Variants in PRCC observed in about 807,000 individuals in gnomAD.
PRCC encodes the protein proline-rich protein PRCC.
Under a neutral mutation model 44.0 loss-of-function variants are expected in PRCC, and 10 were observed. The ratio of observed to expected loss-of-function variants is 0.23; its 90% CI spans 0.14 to 0.39. The LOEUF is 0.39. Ranked by LOEUF, PRCC falls within the 10% of genes least tolerant of loss-of-function variation. The pLI, the probability that PRCC is intolerant of heterozygous loss-of-function variation, is 1.00. For synonymous variants in PRCC, 278 were observed against 259.5 expected (o/e 1.07, Z -0.69); for missense variants, 573 against 624.7 (o/e 0.92, Z 0.88).
At chr1:156,782,562 G>T (rs1652086013) in intron 2 of PRCC, among the ~76,000 whole-genome samples, 1 of 152,164 alleles carries the variant, frequency 6.6e-6, no homozygotes, top group South Asian at 2.1e-4. Flanking sequence ...AAGACAGGCA[G>T]TGGTAGGGAG....
chr1:156,798,332 A>G (rs1368313064), intron 6 of PRCC, among the ~76,000 whole-genome samples: 1 of 150,658 alleles, frequency 6.6e-6, no homozygotes, highest in Non-Finnish European at 1.5e-5. Context: ...TTTGAGACAG[A>G]GTCTCGCTCT....
chr1:156,786,440 G>C (rs1652246976), intron 2 of PRCC, among the ~76,000 whole-genome samples, 168 bp from the exon 3 acceptor site: 1 of 152,234 alleles, frequency 6.6e-6, no homozygotes, highest in Admixed American at 6.5e-5. Flanking sequence ...AGTAGCAGGA[G>C]TCAAGCCCAG....
intron 1 of PRCC, among the ~76,000 whole-genome samples, chr1:156,771,486 G>A (rs895981053): frequency 6.6e-6 from 1 of 152,120 alleles, no homozygotes; most frequent in Non-Finnish European, 1.5e-5. Context: ...TTTAGGAGGG[G>A]GAAGTGATAA....
chr1:156,797,195 C>T lies in PRCC; in HGVS notation c.1324-81C>T, dbSNP rs1414865547. On this transcript the variant is annotated intron_variant, in intron 5 of 6. Coordinates refer to ENST00000271526, the MANE Select transcript of PRCC (RefSeq NM_005973.5). ...GGGCTGTGGAATTGGCTTCTCAGCC[C>T]CTAACACCACACCATCTGGGCACAT... The T allele has an allele frequency of 4.4e-6, 7 of 1,575,210 alleles. No individual in the cohort carries two copies. The East Asian group carries it at 1.3e-4, about 30-fold the overall frequency.
chr1:156,767,924 G>A lies in PRCC; in HGVS notation c.153G>A (p.Leu51=), dbSNP rs1651465211. Residue 51 remains leucine, a synonymous_variant, in exon 1 of 7, where the codon CTG becomes CTA. Transcript: ENST00000271526. ...CTGCGCCCAAGGGTCCGGCCTTGCT[G>A]CCTCCGCCCCCTCAGATGCTGGCGC... The part of the protein sequence containing the change: ...SLPAPKGPAL[L]PPPPQMLAPA... The A allele has an allele frequency of 1.9e-6, 3 of 1,596,010 alleles. No individual in the cohort carries two copies. In the East Asian group the frequency reaches 6.8e-5, roughly 36 times the overall value.
chr1:156,800,377 A>G lies in PRCC; in HGVS notation c.1393A>G (p.Lys465Glu), dbSNP rs920562638. Residue 465 changes from lysine to glutamate, a missense_variant, in exon 7 of 7, where the codon AAG (lysine) becomes GAG (glutamate). By Grantham distance (56) the Lys-to-Glu change is moderately conservative (BLOSUM62 1). Transcript: ENST00000271526. ...CTACCCTTCTTCCTTGCCACAGGCCAAGGAGCGGGAGCTGGAACTGAAGAA... is the reference window on the plus strand; with the variant it reads ...CTACCCTTCTTCCTTGCCACAGGCCGAGGAGCGGGAGCTGGAACTGAAGAA... ...HQITYLIHQA[K>E]ERELELKNTW... 6.2e-6 allele frequency: 10 copies of G among 1,614,132 alleles called. No homozygotes were observed. The highest frequency in any genetic ancestry group is 8.5e-6 in the Non-Finnish European group (10 of 1,179,996).
At position 156,767,845 on chromosome 1, in the gene PRCC, A is replaced by C. The variant is rs762776010; in HGVS notation, c.74A>C (p.Glu25Ala). The C allele has an allele frequency of 1.9e-6, 3 of 1,610,218 alleles. No homozygotes were observed. Among genetic ancestry groups the C allele is most frequent in the Middle Eastern group, 1.8e-4 (1 of 5,512 alleles). Reference protein sequence around the residue: ...DEAEPEPEEEEAVAPTSGPAL... With the variant: ...DEAEPEPEEEAAVAPTSGPAL... The stretch of plus-strand genomic sequence containing the variant: ...GCTGAGCCCGAGCCGGAGGAAGAGG[A>C]GGCGGTGGCTCCTACATCTGGGCCC... Residue 25 changes from glutamate (E) to alanine (A), a missense_variant, in exon 1 of 7, where the codon GAG becomes GCG. Glu to Ala is a moderately radical substitution (Grantham distance 107). This residue lies in a region of PRCC where 245 missense variants were observed against 188.5 expected (regional missense o/e 1.30). Transcript: ENST00000271526.
intron 5 of PRCC, chr1:156,797,070 G>A (rs1434967270): frequency 5.4e-6 from 3 of 552,538 alleles, no homozygotes; most frequent in East Asian, 3.1e-5. Flanking sequence ...TTTCAGGCAA[G>A]TGTTCTGAGC....
chr1:156,799,657 T>C (rs1428699517), intron 6 of PRCC, among the ~76,000 whole-genome samples: 1 of 152,172 alleles, frequency 6.6e-6, no homozygotes, highest in Non-Finnish European at 1.5e-5. Context: ...GGATATTATT[T>C]AAACTCAATC....
chr1:156,785,494 T>C (rs565857853), intron 2 of PRCC, among the ~76,000 whole-genome samples: 101 of 149,572 alleles, frequency 6.8e-4, no homozygotes, highest in Non-Finnish European at 1.3e-3. Flanking sequence ...TCCTGGGTGA[T>C]AGAGCGAGAC....
intron 1 of PRCC, among the ~76,000 whole-genome samples, chr1:156,775,735 T>C (rs1299495899): frequency 4.3e-4 from 65 of 152,142 alleles, no homozygotes; most frequent in Admixed American, 4.3e-3. Flanking sequence ...GGTCTCGAAC[T>C]CCTGATCTTG....
chr1:156,785,367 A>G (rs1652200623), intron 2 of PRCC, among the ~76,000 whole-genome samples: 2 of 151,972 alleles, frequency 1.3e-5, no homozygotes, highest in South Asian at 4.2e-4. Context: ...AAAATTAGCC[A>G]GGCATGCGTG....
In PRCC at chr1:156,792,053, C is replaced by CTTTTTTTT. The variant is rs67388360; in HGVS notation, c.1179+282_1179+289dup. Among the ~76,000 whole-genome samples the CTTTTTTTT allele has an allele frequency of 2.7e-3, 158 of 58,434 alleles. 23 individuals are homozygous for CTTTTTTTT. Among genetic ancestry groups the CTTTTTTTT allele is most frequent in the South Asian group, 5.2e-3 (5 of 960 alleles). 38.3% of individuals were successfully genotyped at this position (58,434 alleles called of 152,430 possible). The stretch of plus-strand genomic sequence containing the variant: ...ACAGAGTCAGGGATCTAGTCCCCTT[C>CTTTTTTTT]TTTTTTTTTTTTTTTTTTTTTTTTT... On this transcript the variant is annotated intron_variant, in intron 4 of 6. Coordinates refer to ENST00000271526, the MANE Select transcript of PRCC (RefSeq NM_005973.5).
At chr1:156,781,323 A>G (rs1456515161) in intron 1 of PRCC, among the ~76,000 whole-genome samples, 2 of 152,236 alleles carry the variant, frequency 1.3e-5, no homozygotes, top group Non-Finnish European at 2.9e-5. Context: ...CTTGTGAGAT[A>G]TGAGAGCGAG....
At chr1:156,768,294 A>T in intron 1 of PRCC, 55 bp downstream of exon 1, 1 of 1,498,284 alleles carries the variant, frequency 6.7e-7, no homozygotes, top group African/African-American at 1.4e-5. Flanking sequence ...AGTCGGCTGT[A>T]GGAGGGACAT....
Position 156,768,135 on chromosome 1 carries a change from C to A in PRCC, c.364C>A (p.Leu122Met). ...LPSPRGPGLN[L>M]PPPIGGAGPP... ...CTCGCCCCGAGGCCCTGGCCTCAAT[C>A]TGCCCCCTCCAATTGGCGGTGCCGG... is the stretch of plus-strand genomic sequence containing the variant. Residue 122 changes from leucine to methionine, a missense_variant, in exon 1 of 7, where the codon CTG (leucine) becomes ATG (methionine). By Grantham distance (15) the Leu-to-Met change is conservative (BLOSUM62 2). Transcript: ENST00000271526. The A allele has an allele frequency of 6.4e-7, 1 of 1,566,404 alleles. No homozygotes were observed. The highest frequency in any genetic ancestry group is 8.7e-7 in the Non-Finnish European group (1 of 1,155,422).
At chr1:156,791,874 C>A (rs1374721665) in intron 4 of PRCC, 82 bp downstream of exon 4, 11 of 1,221,298 alleles carry the variant, frequency 9.0e-6, no homozygotes, top group African/African-American at 4.6e-5. Context: ...ATTAAAAAAA[C>A]ACACACACAC....
intron 3 of PRCC, among the ~76,000 whole-genome samples, chr1:156,787,814 C>G (rs1040714503): frequency 6.7e-6 from 1 of 149,828 alleles, no homozygotes; most frequent in Non-Finnish European, 1.5e-5. Flanking sequence ...CCCTAACATG[C>G]CCAGCTAATT....
intron 3 of PRCC, among the ~76,000 whole-genome samples, chr1:156,787,447 ATT>A (rs1491379542): frequency 4.3e-4 from 29 of 67,936 alleles, no homozygotes; most frequent in African/African-American, 1.2e-3. Context: ...CATATTTGTG[ATT>A]GATATATATA....
Sources: gnomAD v4.1 joint callset for allele counts (sites outside exome capture counted in the v4.1 genomes callset) on GRCh38, gnomAD v4.1.1 for gene constraint, gnomAD v4.1.1 regional missense constraint, MANE v1.5 for transcripts, NCBI Gene and HGNC (gene_info 2026-07-23, HGNC 2026-07-21) for gene names.